The following PTPRD variants were observed in gnomAD, a reference collection of about 807,000 sequenced individuals.
The protein encoded by PTPRD is protein tyrosine phosphatase receptor type D.
PTPRD carries 34 observed loss-of-function variants against 214.5 expected under a neutral mutation model. That is an observed-to-expected ratio of 0.16 (90% CI 0.12 to 0.21). The LOEUF (loss-of-function observed/expected upper bound fraction) is 0.21, where lower values mean the gene tolerates loss of function less well. PTPRD is among the 10% of genes least tolerant of loss of function. PTPRD has a pLI of 1.00. For synonymous variants in PTPRD, 1,128 were observed against 845.7 expected (o/e 1.33, Z -5.79); for missense variants, 2,545 against 2,398.7 (o/e 1.06, Z -1.27).
At chr9:9,192,062 G>T (rs960154496) in intron 9 of PTPRD, among the ~76,000 whole-genome samples, 3 of 151,940 alleles carry the variant, frequency 2.0e-5, no homozygotes, top group Non-Finnish European at 4.4e-5. Flanking sequence ...AGGAGTGCAG[G>T]GACAGTGTGA....
At chr9:10,277,706 T>C (rs569557569) in intron 3 of PTPRD, among the ~76,000 whole-genome samples, 60 of 152,328 alleles carry the variant, frequency 3.9e-4, no homozygotes, top group Non-Finnish European at 7.5e-4. Context: ...TAATATATGC[T>C]CTTTTGTGAT....
chr9:8,463,944 A>G (rs1393616007), intron 32 of PTPRD, among the ~76,000 whole-genome samples: 2 of 152,038 alleles, frequency 1.3e-5, no homozygotes, highest in Non-Finnish European at 2.9e-5. Context: ...TATATAAAGA[A>G]AATAAATATC....
intron 14 of PTPRD, among the ~76,000 whole-genome samples, 161 bp from the exon 15 acceptor site, chr9:8,528,940 A>T (rs1381623632): frequency 6.6e-6 from 1 of 152,152 alleles, no homozygotes; most frequent in Non-Finnish European, 1.5e-5. Flanking sequence ...GCTGCTACTG[A>T]TCAGAAGAGT....
intron 5 of PTPRD, among the ~76,000 whole-genome samples, chr9:9,830,820 T>C (rs1313050916): frequency 6.6e-6 from 1 of 151,954 alleles, no homozygotes; most frequent in Non-Finnish European, 1.5e-5. Flanking sequence ...AACTCTTCTA[T>C]TTCTAGCCTT....
At chr9:10,269,307 A>G (rs1564907507) in intron 3 of PTPRD, among the ~76,000 whole-genome samples, 1 of 152,256 alleles carries the variant, frequency 6.6e-6, no homozygotes, top group South Asian at 2.1e-4. Flanking sequence ...GTATGTGTAT[A>G]TGCTACAATG....
intron 10 of PTPRD, among the ~76,000 whole-genome samples, chr9:9,080,361 A>G (rs1338952841): frequency 6.6e-6 from 1 of 152,092 alleles, no homozygotes; most frequent in African/African-American, 2.4e-5. Flanking sequence ...GTTGTGCTCA[A>G]AAAGGTGACA....
chr9:10,230,448 C>G (rs932458686), intron 3 of PTPRD, among the ~76,000 whole-genome samples: 20 of 150,676 alleles, frequency 1.3e-4, no homozygotes, highest in Non-Finnish European at 1.9e-4. Context: ...ATCTATCTAT[C>G]TATCTATCTA....
At chr9:8,779,457 G>A (rs192355638) in intron 11 of PTPRD, among the ~76,000 whole-genome samples, 49 of 152,148 alleles carry the variant, frequency 3.2e-4, no homozygotes, top group Non-Finnish European at 5.9e-5. Context: ...GTGTCGTCCC[G>A]GGGTTGGGTT....
intron 5 of PTPRD, among the ~76,000 whole-genome samples, chr9:9,876,640 A>G (rs2066945416): frequency 6.6e-6 from 1 of 152,214 alleles, no homozygotes. Context: ...ATTTTTGGAA[A>G]GCATTTGCCC....
At chr9:9,120,797 GA>G (rs2099816879) in intron 10 of PTPRD, among the ~76,000 whole-genome samples, 2 of 152,256 alleles carry the variant, frequency 1.3e-5, no homozygotes, top group South Asian at 4.2e-4. Context: ...ATTTTCCAAG[GA>G]TCATGTGTAC....
At chr9:8,383,522 C>T (rs1242290019) in intron 37 of PTPRD, among the ~76,000 whole-genome samples, 1 of 152,138 alleles carries the variant, frequency 6.6e-6, no homozygotes. Flanking sequence ...ATGCACAAAA[C>T]ATTTGATCTG....
chr9:8,826,201 A>T (rs959714037), intron 11 of PTPRD, among the ~76,000 whole-genome samples: 6 of 139,408 alleles, frequency 4.3e-5, no homozygotes, highest in Admixed American at 2.1e-4. Flanking sequence ...TGCCACCACC[A>T]TCTCTCATCC....
chr9:9,234,765 C>G (rs1458225367), intron 9 of PTPRD, among the ~76,000 whole-genome samples: 1 of 152,172 alleles, frequency 6.6e-6, no homozygotes, highest in Non-Finnish European at 1.5e-5. Flanking sequence ...TCATCTCCAT[C>G]TGAGACCACC....
At chr9:8,658,391 C>T (rs2096957010) in intron 12 of PTPRD, among the ~76,000 whole-genome samples, 1 of 152,076 alleles carries the variant, frequency 6.6e-6, no homozygotes, top group Non-Finnish European at 1.5e-5. Context: ...CACATTGTGT[C>T]CTATTAAATT....
intron 8 of PTPRD, among the ~76,000 whole-genome samples, chr9:9,544,404 G>T (rs888203651): frequency 6.6e-6 from 1 of 151,474 alleles, no homozygotes; most frequent in Non-Finnish European, 1.5e-5. Context: ...ACTTCATTTT[G>T]ATTTTTTAGG....
intron 5 of PTPRD, among the ~76,000 whole-genome samples, chr9:9,825,872 G>A (rs1291514255): frequency 6.6e-6 from 1 of 150,930 alleles, no homozygotes; most frequent in African/African-American, 2.4e-5. Flanking sequence ...CTTTTCCATA[G>A]GTGTCCAAAT....
rs574746634 is a variant in PTPRD at position 9,716,188 on chromosome 9, A to C, written c.-287+18345T>G. 6.0e-4 allele frequency among the ~76,000 whole-genome samples: 91 copies of C among 152,232 alleles called. 1 individual carries two copies. Among genetic ancestry groups the C allele is most frequent in the African/African-American group, 2.1e-3 (87 of 41,538 alleles). ...TCCCTACAAAGGACATGAACTCATC[A>C]TTTTTTATGGCTGCATAGTATTCCA... On this transcript the variant is annotated intron_variant, in intron 7 of 45. Coordinates refer to ENST00000381196, the MANE Select transcript of PTPRD (RefSeq NM_002839.4).
intron 11 of PTPRD, among the ~76,000 whole-genome samples, chr9:8,912,189 G>C (rs545351237): frequency 2.6e-5 from 4 of 152,260 alleles, no homozygotes; most frequent in African/African-American, 9.6e-5. Context: ...ATATGTCCAT[G>C]TAAAAATATG....
At chr9:9,915,295 G>C (rs904341293) in intron 5 of PTPRD, among the ~76,000 whole-genome samples, 2 of 151,544 alleles carry the variant, frequency 1.3e-5, no homozygotes, top group South Asian at 2.1e-4. Context: ...CAAATGCATG[G>C]AAATTAATGT....
Sources: gnomAD v4.1 joint callset for allele counts (sites outside exome capture counted in the v4.1 genomes callset) on GRCh38, gnomAD v4.1.1 for gene constraint, MANE v1.5 for transcripts, NCBI Gene and HGNC (gene_info 2026-07-23, HGNC 2026-07-21) for gene names.